The following PBX1 variants were observed in gnomAD, a reference collection of about 807,000 sequenced individuals.
PBX1 encodes pre-B-cell leukemia transcription factor 1.
In PBX1, 6 loss-of-function variants were observed where a neutral mutation model predicts 53.4. That is an observed-to-expected ratio of 0.11 (90% CI 0.06 to 0.22). PBX1 has a LOEUF of 0.22. PBX1 is among the 10% of genes least tolerant of loss of function. PBX1 has a pLI of 1.00. For synonymous variants in PBX1, 204 were observed against 212.3 expected (o/e 0.96, Z 0.34); for missense variants, 251 against 551.4 (o/e 0.46, Z 5.46).
intron 2 of PBX1, among the ~76,000 whole-genome samples, chr1:164,761,579 G>T (rs1456851579): frequency 6.6e-6 from 1 of 152,038 alleles, no homozygotes; most frequent in Non-Finnish European, 1.5e-5. Flanking sequence ...CGTGTAGCTG[G>T]GACTACAGGT....
At chr1:164,837,077 A>G (rs1671073168) in intron 8 of PBX1, among the ~76,000 whole-genome samples, 1 of 152,250 alleles carries the variant, frequency 6.6e-6, no homozygotes, top group South Asian at 2.1e-4. Flanking sequence ...AGAAAAGTGT[A>G]AGGGGTTTAG....
At chr1:164,640,284 C>G (rs1052671386) in intron 2 of PBX1, among the ~76,000 whole-genome samples, 1 of 152,088 alleles carries the variant, frequency 6.6e-6, no homozygotes, top group Non-Finnish European at 1.5e-5. Context: ...TGGGGGAAGG[C>G]CTTGGGTTCT....
intron 2 of PBX1, among the ~76,000 whole-genome samples, chr1:164,604,834 G>GA (rs1311666510): frequency 1.3e-5 from 2 of 151,380 alleles, no homozygotes; most frequent in Admixed American, 1.3e-4. Context: ...TTTCATTTAT[G>GA]AAATACTGTG....
At chr1:164,876,786 A>G (rs1672523734) in intron 2 of PBX1, among the ~76,000 whole-genome samples, 1 of 152,138 alleles carries the variant, frequency 6.6e-6, no homozygotes, top group South Asian at 2.1e-4. Flanking sequence ...AGGGAATGAG[A>G]GAAAGCCTGA....
At chr1:164,672,661 C>A (rs1661182013) in intron 2 of PBX1, among the ~76,000 whole-genome samples, 1 of 152,178 alleles carries the variant, frequency 6.6e-6, no homozygotes, top group Non-Finnish European at 1.5e-5. Context: ...AAGATATTCA[C>A]CTCCTCTATT....
At chr1:164,821,484 T>C in intron 7 of PBX1, 53 bp from the exon 8 acceptor site, 2 of 1,406,182 alleles carry the variant, frequency 1.4e-6, no homozygotes, top group Non-Finnish European at 2.0e-6. Context: ...TCTGCCTCCC[T>C]TTTCCTACAC....
intron 2 of PBX1, among the ~76,000 whole-genome samples, chr1:164,691,435 G>A (rs142231094): frequency 3.9e-5 from 6 of 152,264 alleles, no homozygotes; most frequent in African/African-American, 1.4e-4. Context: ...TCCTTATGAG[G>A]AGTAATTTTC....
chr1:164,636,860 T>C (rs893879779), intron 2 of PBX1, among the ~76,000 whole-genome samples: 4 of 152,078 alleles, frequency 2.6e-5, no homozygotes, highest in Non-Finnish European at 4.4e-5. Flanking sequence ...GTTGGGGATG[T>C]GTGGTTTGTG....
At chr1:164,859,023 G>A (rs1412825983) in intron 2 of PBX1, among the ~76,000 whole-genome samples, 1 of 152,200 alleles carries the variant, frequency 6.6e-6, no homozygotes, top group Non-Finnish European at 1.5e-5. Flanking sequence ...TTATTTGCAA[G>A]TCTGCCAGAC....
chr1:164,720,089 A>T (rs184455215), intron 2 of PBX1, among the ~76,000 whole-genome samples: 1 of 152,220 alleles, frequency 6.6e-6, no homozygotes, highest in African/African-American at 2.4e-5. Context: ...ACTAATTTGT[A>T]TCGAATGCAA....
chr1:164,846,776 C>T lies in PBX1; in HGVS notation c.*100C>T, dbSNP rs867804191. ...ACGCTGAAGCGGTCAGACTGGAGGT[C>T]GAAGCAATCAGCAAACACAATAAGA... On this transcript the variant is annotated 3_prime_UTR_variant, in exon 9 of 9. Coordinates refer to ENST00000420696, the MANE Select transcript of PBX1 (RefSeq NM_002585.4). 8 of 1,596,278 alleles carry T rather than the reference C, an allele frequency of 5.0e-6. No individual in the cohort carries two copies. Among genetic ancestry groups the T allele is most frequent in the Middle Eastern group, 2.1e-4 (1 of 4,878 alleles).
At chr1:164,857,359 G>A (rs1212052561) in intron 2 of PBX1, among the ~76,000 whole-genome samples, 1 of 152,172 alleles carries the variant, frequency 6.6e-6, no homozygotes, top group African/African-American at 2.4e-5. Context: ...AAGCACAGGA[G>A]CCTCTAACCC....
chr1:164,882,128 T>G (rs76657912), intron 2 of PBX1, among the ~76,000 whole-genome samples: 4 of 151,924 alleles, frequency 2.6e-5, no homozygotes, highest in Non-Finnish European at 5.9e-5. Context: ...TTTTTTTTTT[T>G]GGTAGTTGAG....
intron 8 of PBX1, among the ~76,000 whole-genome samples, chr1:164,834,358 T>C (rs1316523808): frequency 1.7e-4 from 25 of 151,184 alleles, no homozygotes; most frequent in African/African-American, 5.8e-4. Flanking sequence ...TTTTTTTTTT[T>C]TTTGAGACAG....
At chr1:164,707,426 A>C (rs1686178) in intron 2 of PBX1, among the ~76,000 whole-genome samples, 1 of 89,770 alleles carries the variant, frequency 1.1e-5, no homozygotes, top group Non-Finnish European at 2.4e-5. Context: ...TGTGAGAGAG[A>C]GAGAGAGAGA....
intron 2 of PBX1, among the ~76,000 whole-genome samples, chr1:164,744,954 G>T (rs917833165): frequency 2.0e-5 from 3 of 152,078 alleles, no homozygotes; most frequent in Non-Finnish European, 4.4e-5. Context: ...CAGACTCTAA[G>T]CCATGTAATA....
intron 2 of PBX1, among the ~76,000 whole-genome samples, chr1:164,722,381 G>A (rs929389149): frequency 1.3e-5 from 2 of 152,064 alleles, no homozygotes; most frequent in Admixed American, 6.6e-5. Flanking sequence ...TAATTCCATC[G>A]ATTTGAAATC....
At chr1:164,635,288 C>T (rs1658683426) in intron 2 of PBX1, among the ~76,000 whole-genome samples, 1 of 152,072 alleles carries the variant, frequency 6.6e-6, no homozygotes, top group Admixed American at 6.5e-5. Context: ...GCTGCTGCCA[C>T]CGCTGCCACC....
intron 1 of PBX1, chr1:164,560,244 G>A: frequency 2.3e-6 from 1 of 442,674 alleles, no homozygotes; most frequent in Non-Finnish European, 4.0e-6. Flanking sequence ...GTGTGTGTGT[G>A]TGTGAATATA....
Sources: allele counts gnomAD v4.1 joint callset (sites outside exome capture counted in the v4.1 genomes callset), GRCh38; gene constraint gnomAD v4.1.1; transcripts MANE v1.5; gene names NCBI Gene and HGNC (gene_info 2026-07-23, HGNC 2026-07-21).